The following IGSF21 variants were observed in gnomAD, a reference collection of about 807,000 sequenced individuals.
IGSF21 encodes the protein immunoglobin superfamily member 21.
In IGSF21, 28 loss-of-function variants were observed where a neutral mutation model predicts 46.8. That is an observed-to-expected ratio of 0.60 (90% CI 0.44 to 0.82). IGSF21 has a LOEUF of 0.82. Ranked by LOEUF, IGSF21 falls within the 40% of genes least tolerant of loss-of-function variation. IGSF21 has a pLI of 0.00. For missense variants in IGSF21, 624 were observed against 665.5 expected (o/e 0.94, Z 0.69); for synonymous variants, 284 against 273.6 (o/e 1.04, Z -0.38).
intron 1 of IGSF21, among the ~76,000 whole-genome samples, chr1:18,179,544 AT>A (rs1209224305): frequency 6.6e-6 from 1 of 152,048 alleles, no homozygotes; most frequent in East Asian, 1.9e-4. Context: ...TATTTTATTC[AT>A]TTTTTTCCCT....
intron 3 of IGSF21, among the ~76,000 whole-genome samples, chr1:18,302,265 A>G (rs1245730237): frequency 6.6e-6 from 1 of 152,044 alleles, no homozygotes; most frequent in Non-Finnish European, 1.5e-5. Context: ...GTGCCCAGGG[A>G]GCGCCCCATG....
At chr1:18,183,674 G>GC (rs2086877318) in intron 1 of IGSF21, among the ~76,000 whole-genome samples, 2 of 152,204 alleles carry the variant, frequency 1.3e-5, no homozygotes, top group African/African-American at 4.8e-5. Context: ...GTCAGCTTGC[G>GC]TGAGTTGGGC....
chr1:18,191,917 G>T (rs895446787), intron 1 of IGSF21, among the ~76,000 whole-genome samples: 29 of 152,134 alleles, frequency 1.9e-4, no homozygotes, highest in African/African-American at 5.8e-4. Flanking sequence ...TTTGTGGAAG[G>T]CGCTGGCCCT....
intron 1 of IGSF21, among the ~76,000 whole-genome samples, chr1:18,149,952 G>C (rs1008908873): frequency 2.6e-5 from 4 of 152,128 alleles, no homozygotes; most frequent in Non-Finnish European, 5.9e-5. Context: ...TTATTCAGTA[G>C]CAAGAATGTA....
At chr1:18,352,108 G>A (rs1275779415) in intron 4 of IGSF21, among the ~76,000 whole-genome samples, 4 of 152,190 alleles carry the variant, frequency 2.6e-5, no homozygotes, top group Non-Finnish European at 2.9e-5. Context: ...TCAGCGTATA[G>A]GGCCAGGGAG....
intron 2 of IGSF21, among the ~76,000 whole-genome samples, chr1:18,281,367 CT>C (rs2085158689): frequency 6.6e-6 from 1 of 151,976 alleles, no homozygotes; most frequent in Non-Finnish European, 1.5e-5. Flanking sequence ...CGAGACCAGC[CT>C]GGCCAACATA....
chr1:18,223,792 G>C (rs551869230), intron 1 of IGSF21, among the ~76,000 whole-genome samples: 4 of 152,140 alleles, frequency 2.6e-5, no homozygotes, highest in Non-Finnish European at 5.9e-5. Context: ...GAGAGTGCTG[G>C]GAAAACTAAG....
intron 1 of IGSF21, among the ~76,000 whole-genome samples, chr1:18,182,776 G>A (rs148470445): frequency 6.6e-6 from 1 of 152,178 alleles, no homozygotes; most frequent in African/African-American, 2.4e-5. Context: ...GGGGTCATCC[G>A]TATAGGGGTG....
chr1:18,320,485 G>T (rs771018576), intron 3 of IGSF21, among the ~76,000 whole-genome samples: 23 of 152,174 alleles, frequency 1.5e-4, no homozygotes, highest in Admixed American at 9.8e-4. Flanking sequence ...TTTTAGCTCC[G>T]CTTTGATGAA....
At chr1:18,261,766 T>A (rs975969763) in intron 2 of IGSF21, among the ~76,000 whole-genome samples, 1 of 152,194 alleles carries the variant, frequency 6.6e-6, no homozygotes, top group Non-Finnish European at 1.5e-5. Flanking sequence ...CCAGAGGAAG[T>A]GGAGGGACTT....
chr1:18,129,667 A>T (rs572224309), intron 1 of IGSF21, among the ~76,000 whole-genome samples: 1 of 152,270 alleles, frequency 6.6e-6, no homozygotes, highest in South Asian at 2.1e-4. Context: ...TCTCGTATCG[A>T]CCCAGCAACC....
At chr1:18,226,599 A>G (rs2084569167) in intron 1 of IGSF21, among the ~76,000 whole-genome samples, 2 of 152,072 alleles carry the variant, frequency 1.3e-5, no homozygotes, top group Admixed American at 6.5e-5. Context: ...GAAGCCTTGG[A>G]CCGTGCAGGT....
At chr1:18,195,450 C>T (rs954109288) in intron 1 of IGSF21, among the ~76,000 whole-genome samples, 6 of 152,158 alleles carry the variant, frequency 3.9e-5, no homozygotes, top group Non-Finnish European at 7.3e-5. Flanking sequence ...GCAGAGGAAC[C>T]CCTTCTTCCT....
chr1:18,376,773 C>G (rs745845239), intron 7 of IGSF21, 27 bp from the exon 8 acceptor site: 4 of 1,556,828 alleles, frequency 2.6e-6, no homozygotes, highest in Non-Finnish European at 3.5e-6. Context: ...CTCCTGTGAC[C>G]CACCTCTCCC....
At chr1:18,329,890 A>G (rs551098792) in intron 3 of IGSF21, among the ~76,000 whole-genome samples, 7 of 152,214 alleles carry the variant, frequency 4.6e-5, no homozygotes, top group Non-Finnish European at 8.8e-5. Flanking sequence ...GAAGGCATGC[A>G]GGTCACGGGG....
rs1173594584 is a variant in IGSF21 at position 18,359,338 on chromosome 1, AAAAG to A, written c.425-2732_425-2729del. Among the ~76,000 whole-genome samples the A allele has an allele frequency of 6.9e-3, 243 of 35,328 alleles. 2 individuals are homozygous for A. Among genetic ancestry groups the A allele is most frequent in the East Asian group, 0.018 (24 of 1,300 alleles). The allele number at this position is 35,328 out of a possible 152,430, so 23.2% of individuals were successfully genotyped here. A position where few individuals can be genotyped will look rare whatever the true frequency, so the allele number is the denominator to read the frequency against. The stretch of plus-strand genomic sequence containing the variant: ...AAAGAGAGAGAGAGAAAGAGAAAGA[AAAAG>A]AAAGAAAGAAAGAAAGAAAGAAAGA... On this transcript the variant is annotated intron_variant, in intron 4 of 9. Coordinates refer to ENST00000251296, the MANE Select transcript of IGSF21 (RefSeq NM_032880.5).
chr1:18,339,848 G>T (rs1247976238), intron 4 of IGSF21, among the ~76,000 whole-genome samples: 1 of 152,136 alleles, frequency 6.6e-6, no homozygotes, highest in Non-Finnish European at 1.5e-5. Context: ...CTGTGCCCTT[G>T]CCTCCCTTCC....
chr1:18,202,723 T>C, intron 1 of IGSF21, among the ~76,000 whole-genome samples: 1 of 152,154 alleles, frequency 6.6e-6, no homozygotes, highest in East Asian at 1.9e-4. Context: ...CTTCCCTTGA[T>C]ACGTGGGGAT....
rs1335810503 is a variant in IGSF21, at chr1:18,109,817, T to C, written c.70+1619T>C. 3 of 151,294 alleles carry C rather than the reference T, an allele frequency of 2.0e-5. No homozygotes were observed. The highest frequency in any genetic ancestry group is 4.4e-5 in the Non-Finnish European group (3 of 67,914). The allele number at this position is 151,294 out of a possible 1,614,324, so 9.4% of individuals were successfully genotyped here. On this transcript the variant is annotated intron_variant, in intron 1 of 9. Coordinates refer to ENST00000251296, the MANE Select transcript of IGSF21 (RefSeq NM_032880.5). The surrounding 1 kb of genome is among the most constrained non-coding windows in gnomAD (Gnocchi z 4.8). The stretch of plus-strand genomic sequence containing the variant: ...CCGCCGAGAGGGCACTGGGGTTTGT[T>C]GAAAGGCACTGGAGCCCTCACCTGG...
Sources: gnomAD v4.1 joint callset for allele counts (sites outside exome capture counted in the v4.1 genomes callset) on GRCh38, gnomAD v4.1.1 for gene constraint, Gnocchi (gnomAD v3.1) non-coding constraint, MANE v1.5 for transcripts, NCBI Gene and HGNC (gene_info 2026-07-23, HGNC 2026-07-21) for gene names.